Variants in RABGAP1L observed in about 807,000 individuals in gnomAD.
RABGAP1L encodes the protein rab GTPase-activating protein 1-like.
In RABGAP1L, 63 loss-of-function variants were observed where a neutral mutation model predicts 137.7. The observed-to-expected ratio is 0.46, with a 90% CI of 0.37 to 0.56. The LOEUF (loss-of-function observed/expected upper bound fraction) is 0.56. Among genes scored for constraint, RABGAP1L ranks in the 20% least tolerant of loss-of-function variants. The pLI, the probability that RABGAP1L is intolerant of heterozygous loss-of-function variation, is 0.00. For synonymous variants in RABGAP1L, 431 were observed against 433.7 expected, an observed-to-expected ratio of 0.99 and a Z score of 0.08; for missense variants, 1,095 against 1,244.0, an observed-to-expected ratio of 0.88 and a Z score of 1.80.
rs538845431 is a variant in RABGAP1L, at chr1:174,791,652, T to C, written c.2212-20180T>C. ...CTTAAGCTTGAAAATAAATATGAGC[T>C]TTATCCACACTGTCCAGGAAAGGGG... On this transcript the variant is annotated intron_variant, in intron 18 of 25. Transcript: ENST00000681986. Among the ~76,000 whole-genome samples, 5 of 152,328 alleles carry C rather than the reference T, an allele frequency of 3.3e-5. No homozygotes were observed. In the South Asian group the frequency reaches 1.0e-3, roughly 32 times the overall value.
At chr1:174,478,374 A>C (rs548300518) in intron 13 of RABGAP1L, among the ~76,000 whole-genome samples, 1 of 151,996 alleles carries the variant, frequency 6.6e-6, no homozygotes, top group Non-Finnish European at 1.5e-5. Context: ...GGGCTCAAGC[A>C]ATCTTCCTGC....
At chr1:174,652,675 G>A (rs143171610) in intron 14 of RABGAP1L, among the ~76,000 whole-genome samples, 11 of 152,294 alleles carry the variant, frequency 7.2e-5, no homozygotes, top group Non-Finnish European at 1.2e-4. Context: ...TGGAGGCTTT[G>A]TCCTAGAGAG....
rs528863869 is a variant in RABGAP1L at position 174,886,053 on chromosome 1, G to A, written c.2341-71404G>A. On this transcript the variant is annotated intron_variant, in intron 19 of 25. Transcript: ENST00000681986. ...TTTGAGACAGAGTTTTGCTCTTGTT[G>A]CCCACGCTGGAGTACAATGGCATGA... 1.1e-3 allele frequency among the ~76,000 whole-genome samples: 138 copies of A among 130,996 alleles called. 4 individuals are homozygous for A. The South Asian group carries it at 0.03, about 29-fold the overall frequency. 85.9% of individuals were successfully genotyped at this position (130,996 alleles called of 152,430 possible). A position where few individuals can be genotyped will look rare whatever the true frequency, so the allele number is the denominator to read the frequency against.
At chr1:174,899,936 G>A (rs971792543) in intron 19 of RABGAP1L, among the ~76,000 whole-genome samples, 9 of 151,828 alleles carry the variant, frequency 5.9e-5, no homozygotes, top group Admixed American at 5.3e-4. Context: ...GGGAATGTTT[G>A]GGGGGGTAGA....
intron 19 of RABGAP1L, among the ~76,000 whole-genome samples, chr1:174,885,966 C>CA (rs1428106633): frequency 8.2e-5 from 12 of 146,906 alleles, no homozygotes; most frequent in Admixed American, 3.4e-4. Flanking sequence ...GACTCCATCT[C>CA]AAAAAAAATA....
At chr1:174,686,939 G>A (rs967924715) in intron 15 of RABGAP1L, among the ~76,000 whole-genome samples, 7 of 151,880 alleles carry the variant, frequency 4.6e-5, no homozygotes, top group East Asian at 1.9e-4. Context: ...GATTACAGGC[G>A]TGAGCCACCA....
intron 17 of RABGAP1L, among the ~76,000 whole-genome samples, chr1:174,749,827 A>G (rs1256023674): frequency 6.6e-6 from 1 of 152,146 alleles, no homozygotes; most frequent in South Asian, 2.1e-4. Context: ...AATTTTCCCC[A>G]CAAGAGACAA....
At chr1:174,541,804 G>A (rs191871533) in intron 13 of RABGAP1L, among the ~76,000 whole-genome samples, 1 of 152,108 alleles carries the variant, frequency 6.6e-6, no homozygotes, top group Non-Finnish European at 1.5e-5. Context: ...TAGCGTGAAG[G>A]GCTGTTGAAT....
At chr1:174,667,214 GA>G (rs1676852312) in intron 14 of RABGAP1L, among the ~76,000 whole-genome samples, 1 of 152,132 alleles carries the variant, frequency 6.6e-6, no homozygotes, top group African/African-American at 2.4e-5. Context: ...CCCTTGATCA[GA>G]TTGTTATTTT....
intron 19 of RABGAP1L, among the ~76,000 whole-genome samples, chr1:174,834,423 T>C (rs1220280092): frequency 8.9e-6 from 1 of 112,392 alleles, no homozygotes; most frequent in Non-Finnish European, 2.1e-5. Context: ...TGAAACTCCG[T>C]CTGAAAAAAA....
chr1:174,283,279 A>G (rs1212303544), intron 10 of RABGAP1L, among the ~76,000 whole-genome samples: 1 of 151,364 alleles, frequency 6.6e-6, no homozygotes, highest in Non-Finnish European at 1.5e-5. Context: ...GGTGGTGTGC[A>G]CCTGTGGTCC....
intron 13 of RABGAP1L, among the ~76,000 whole-genome samples, chr1:174,626,535 T>C (rs1304661564): frequency 1.3e-5 from 2 of 152,222 alleles, no homozygotes; most frequent in African/African-American, 4.8e-5. Context: ...TTTTTGACCA[T>C]TGTGTCTGGC....
chr1:174,919,531 A>C (rs1261031726), intron 19 of RABGAP1L, among the ~76,000 whole-genome samples: 1 of 152,174 alleles, frequency 6.6e-6, no homozygotes, highest in Non-Finnish European at 1.5e-5. Flanking sequence ...AAAATAATTA[A>C]AAATATTTTA....
chr1:174,269,184 C>G (rs1197103016), intron 7 of RABGAP1L, among the ~76,000 whole-genome samples: 2 of 152,212 alleles, frequency 1.3e-5, no homozygotes, highest in East Asian at 3.9e-4. Context: ...ACCTCGTGAT[C>G]CGCCCACCTC....
chr1:174,214,137 A>C (rs1669108976), intron 1 of RABGAP1L, among the ~76,000 whole-genome samples: 1 of 152,256 alleles, frequency 6.6e-6, no homozygotes, highest in African/African-American at 2.4e-5. Flanking sequence ...AAACAGATTT[A>C]TTAAAGTTGC....
chr1:174,694,289 G>A (rs1403828981), intron 15 of RABGAP1L, among the ~76,000 whole-genome samples: 10 of 151,486 alleles, frequency 6.6e-5, no homozygotes, highest in Admixed American at 5.2e-4. Flanking sequence ...ATGCTGGTGC[G>A]CTGCACCCAC....
At chr1:174,599,152 C>A (rs902757094) in intron 13 of RABGAP1L, among the ~76,000 whole-genome samples, 1 of 152,094 alleles carries the variant, frequency 6.6e-6, no homozygotes, top group Non-Finnish European at 1.5e-5. Flanking sequence ...ATTTTGTAAC[C>A]AATCATTTAA....
chr1:174,518,046 A>G (rs1207959820), intron 13 of RABGAP1L, among the ~76,000 whole-genome samples: 4 of 152,210 alleles, frequency 2.6e-5, no homozygotes, highest in Admixed American at 6.6e-5. Flanking sequence ...GTGGTTTTCA[A>G]CCATGGTCGT....
intron 11 of RABGAP1L, among the ~76,000 whole-genome samples, chr1:174,363,710 A>C (rs560894989): frequency 4.0e-5 from 6 of 151,870 alleles, no homozygotes; most frequent in African/African-American, 7.3e-5. Context: ...TGTTATATTG[A>C]GGTATATTTC....
Sources: gnomAD v4.1 joint callset for allele counts (sites outside exome capture counted in the v4.1 genomes callset) on GRCh38, gnomAD v4.1.1 for gene constraint, MANE v1.5 for transcripts, NCBI Gene and HGNC (gene_info 2026-07-23, HGNC 2026-07-21) for gene names.